The following IMMP2L variants were observed in gnomAD, a reference collection of about 807,000 sequenced individuals.
The protein encoded by IMMP2L is mitochondrial inner membrane protease subunit 2.
IMMP2L carries 18 observed loss-of-function variants against 19.3 expected under a neutral mutation model. The observed-to-expected ratio is 0.93, with a 90% CI of 0.64 to 1.38. The LOEUF (loss-of-function observed/expected upper bound fraction) is 1.38, where lower values mean the gene tolerates loss of function less well. Among genes scored for constraint, IMMP2L ranks in the 40% most tolerant of loss-of-function variants. The pLI, the probability that IMMP2L is intolerant of heterozygous loss-of-function variation, is 0.00. For synonymous variants in IMMP2L, 76 were observed against 73.0 expected, an observed-to-expected ratio of 1.04 and a Z score of -0.21; for missense variants, 233 against 218.2, an observed-to-expected ratio of 1.07 and a Z score of -0.43.
At chr7:111,193,640 A>G (rs1386194028) in intron 3 of IMMP2L, among the ~76,000 whole-genome samples, 1 of 152,162 alleles carries the variant, frequency 6.6e-6, no homozygotes, top group Admixed American at 6.5e-5. Flanking sequence ...CAATATCCAG[A>G]GATGCTGACC....
chr7:111,036,588 G>A (rs1045619993), intron 3 of IMMP2L, among the ~76,000 whole-genome samples: 3 of 152,030 alleles, frequency 2.0e-5, no homozygotes, highest in African/African-American at 7.2e-5. Context: ...TCAGAAGTTA[G>A]ATAGTTTAGC....
rs192490783 is a variant in IMMP2L, at chr7:111,376,596, C to G, written c.239+110642G>C. Among the ~76,000 whole-genome samples the G allele has an allele frequency of 2.0e-5, 3 of 152,044 alleles. No homozygotes were observed. The East Asian group carries it at 5.8e-4, about 30-fold the overall frequency. On this transcript the variant is annotated intron_variant, in intron 3 of 5. Coordinates refer to ENST00000405709, the MANE Select transcript of IMMP2L (RefSeq NM_032549.4). ...AAACAGTTATTCAAAAATTTGCAAACAAATGTTCATAAAAGCATTATTCAT... is the reference window on the plus strand; with the variant it reads ...AAACAGTTATTCAAAAATTTGCAAAGAAATGTTCATAAAAGCATTATTCAT...
At chr7:111,150,944 G>C (rs1380981604) in intron 3 of IMMP2L, among the ~76,000 whole-genome samples, 1 of 152,124 alleles carries the variant, frequency 6.6e-6, no homozygotes, top group Non-Finnish European at 1.5e-5. Flanking sequence ...ACAAGCACTG[G>C]TGGCTTTTAT....
intron 3 of IMMP2L, among the ~76,000 whole-genome samples, chr7:111,298,457 T>A (rs139953760): frequency 6.6e-6 from 1 of 152,132 alleles, no homozygotes; most frequent in East Asian, 1.9e-4. Context: ...AAATATATAA[T>A]AAAACAGCTG....
chr7:111,482,660 G>T (rs775332136), intron 3 of IMMP2L, among the ~76,000 whole-genome samples: 1 of 152,106 alleles, frequency 6.6e-6, no homozygotes, highest in Non-Finnish European at 1.5e-5. Flanking sequence ...GCCTGAAAGA[G>T]AAATCCTACC....
chr7:111,199,222 T>G (rs1414485300), intron 3 of IMMP2L, among the ~76,000 whole-genome samples: 1 of 152,148 alleles, frequency 6.6e-6, no homozygotes, highest in African/African-American at 2.4e-5. Flanking sequence ...AGCCTACATA[T>G]AATGTATATT....
chr7:111,551,860 C>T (rs1048291005), intron 1 of IMMP2L, among the ~76,000 whole-genome samples: 1 of 152,014 alleles, frequency 6.6e-6, no homozygotes, highest in African/African-American at 2.4e-5. Context: ...GGAAATATAG[C>T]CCCTACTACC....
intron 1 of IMMP2L, among the ~76,000 whole-genome samples, chr7:111,534,723 A>G (rs1400812069): frequency 6.6e-6 from 1 of 152,162 alleles, no homozygotes; most frequent in East Asian, 1.9e-4. Context: ...TTCATACACA[A>G]TTTTCCCCAG....
chr7:110,801,081 G>A (rs959388720), intron 5 of IMMP2L, among the ~76,000 whole-genome samples: 4 of 152,036 alleles, frequency 2.6e-5, no homozygotes, highest in African/African-American at 9.7e-5. Flanking sequence ...TACATGGATG[G>A]CAGCATACTG....
At chr7:111,453,120 T>C (rs1199479961) in intron 3 of IMMP2L, among the ~76,000 whole-genome samples, 2 of 152,194 alleles carry the variant, frequency 1.3e-5, no homozygotes, top group Non-Finnish European at 2.9e-5. Flanking sequence ...GTCATTATCA[T>C]AGATAAGTGT....
At chr7:111,203,478 AAAAT>A (rs2129616290) in intron 3 of IMMP2L, among the ~76,000 whole-genome samples, 1 of 152,232 alleles carries the variant, frequency 6.6e-6, no homozygotes. Flanking sequence ...AGGCAGTCAG[AAAAT>A]ATAAGGCATA....
intron 4 of IMMP2L, among the ~76,000 whole-genome samples, chr7:110,900,129 T>G (rs553720277): frequency 5.9e-5 from 9 of 152,202 alleles, no homozygotes; most frequent in Admixed American, 3.3e-4. Flanking sequence ...ATATGGTATA[T>G]GTCTGACCCA....
At chr7:110,741,043 T>C (rs1796957640) in intron 5 of IMMP2L, among the ~76,000 whole-genome samples, 1 of 152,162 alleles carries the variant, frequency 6.6e-6, no homozygotes, top group Admixed American at 6.5e-5. Flanking sequence ...CATGCATGTT[T>C]ATAGCAGCAC....
At chr7:111,316,446 T>C (rs945238027) in intron 3 of IMMP2L, among the ~76,000 whole-genome samples, 4 of 152,116 alleles carry the variant, frequency 2.6e-5, no homozygotes, top group South Asian at 4.1e-4. Context: ...AAATGTATGA[T>C]TTAGGGATGA....
intron 3 of IMMP2L, among the ~76,000 whole-genome samples, chr7:111,196,650 T>C (rs904265501): frequency 2.6e-5 from 4 of 152,150 alleles, no homozygotes; most frequent in African/African-American, 9.7e-5. Flanking sequence ...TTTCACGAAA[T>C]AGGAAATGAA....
chr7:111,018,787 T>TTTATTA (rs61180550), intron 3 of IMMP2L, among the ~76,000 whole-genome samples: 1,745 of 141,460 alleles, frequency 0.012, 25 homozygotes, highest in Admixed American at 0.017. Flanking sequence ...TGTGTGTCTT[T>TTTATTA]TTATTATTAT....
chr7:111,152,516 CTTAAT>C (rs1703828313), intron 3 of IMMP2L, among the ~76,000 whole-genome samples: 1 of 152,116 alleles, frequency 6.6e-6, no homozygotes, highest in South Asian at 2.1e-4. Flanking sequence ...GAAAGAAAAT[CTTAAT>C]TTATTAAGCA....
chr7:111,115,038 C>T (rs1432878410), intron 3 of IMMP2L, among the ~76,000 whole-genome samples: 2 of 152,062 alleles, frequency 1.3e-5, no homozygotes, highest in Non-Finnish European at 2.9e-5. Flanking sequence ...GATGATTATA[C>T]TTCAATCTAA....
Position 111,326,864 on chromosome 7 carries a change from G to A in IMMP2L, c.239+160374C>T, listed in dbSNP as rs556700169. On this transcript the variant is annotated intron_variant, in intron 3 of 5. Coordinates refer to ENST00000405709, the MANE Select transcript of IMMP2L (RefSeq NM_032549.4). ...TATCCAAAATAAATTTTGGTTTTTG[G>A]TATTTCAAAATAACTGAAATCAGGA... Among the ~76,000 whole-genome samples, 122 of 151,864 alleles carry A rather than the reference G, an allele frequency of 8.0e-4. 3 individuals carry two copies. The South Asian group carries it at 0.025, about 31-fold the overall frequency.
Sources: gnomAD v4.1 joint callset for allele counts (sites outside exome capture counted in the v4.1 genomes callset) on GRCh38, gnomAD v4.1.1 for gene constraint, MANE v1.5 for transcripts, NCBI Gene and HGNC (gene_info 2026-07-23, HGNC 2026-07-21) for gene names.